The following NME7 variants were observed in gnomAD, a reference collection of about 807,000 sequenced individuals.
The protein encoded by NME7 is NME/NM23 family member 7, also known as nucleoside diphosphate kinase 7.
NME7 carries 41 observed loss-of-function variants against 49.1 expected under a neutral mutation model. That is an observed-to-expected ratio of 0.83 (90% CI 0.65 to 1.08). NME7 has a LOEUF of 1.08. NME7 is among the 50% of genes least tolerant of loss of function. The pLI, the probability that NME7 is intolerant of heterozygous loss-of-function variation, is 0.00. For synonymous variants in NME7, 139 were observed against 150.6 expected (o/e 0.92, Z 0.56); for missense variants, 423 against 463.4 (o/e 0.91, Z 0.80).
chr1:169,308,029 A>G (rs1318230662), intron 4 of NME7, among the ~76,000 whole-genome samples: 2 of 151,894 alleles, frequency 1.3e-5, no homozygotes, highest in South Asian at 2.1e-4. Flanking sequence ...CAAAAAAAAA[A>G]AAAAAAATCC....
intron 11 of NME7, among the ~76,000 whole-genome samples, chr1:169,163,876 CA>C (rs1659320434): frequency 1.3e-5 from 2 of 152,000 alleles, no homozygotes; most frequent in South Asian, 4.2e-4. Flanking sequence ...TTTGGGAAGC[CA>C]AGGCGGGCAG....
chr1:169,154,394 C>T (rs1242523587), intron 11 of NME7, among the ~76,000 whole-genome samples: 1 of 151,994 alleles, frequency 6.6e-6, no homozygotes, highest in Non-Finnish European at 1.5e-5. Context: ...AATAAAATAA[C>T]ATGTGGTAGT....
At chr1:169,336,300 G>A (rs1652470788) in intron 1 of NME7, among the ~76,000 whole-genome samples, 1 of 151,656 alleles carries the variant, frequency 6.6e-6, no homozygotes, top group Admixed American at 6.7e-5. Context: ...TTATTGCAAA[G>A]AGCGAAAGAA....
At chr1:169,350,540 C>T (rs1409764750) in intron 1 of NME7, among the ~76,000 whole-genome samples, 1 of 151,876 alleles carries the variant, frequency 6.6e-6, no homozygotes, top group African/African-American at 2.4e-5. Context: ...ATGTTTCTCT[C>T]TTTTGTCTCC....
intron 4 of NME7, chr1:169,303,455 C>CTTTTTTTTTTT (rs969800387): frequency 1.7e-4 from 19 of 113,050 alleles, no homozygotes; most frequent in Non-Finnish European, 2.7e-4. Context: ...CTATCTTCTT[C>CTTTTTTTTTTT]TTTTTTTTTT....
intron 7 of NME7, among the ~76,000 whole-genome samples, chr1:169,238,350 A>C (rs1381883305): frequency 6.6e-6 from 1 of 151,998 alleles, no homozygotes; most frequent in Non-Finnish European, 1.5e-5. Context: ...AGTGGTTTCT[A>C]TATTGGAGTC....
At chr1:169,209,646 T>C (rs1262879876) in intron 10 of NME7, among the ~76,000 whole-genome samples, 1 of 152,136 alleles carries the variant, frequency 6.6e-6, no homozygotes, top group African/African-American at 2.4e-5. Context: ...TTTTTAAAAA[T>C]ACAACCTAGA....
In NME7 at chr1:169,261,157, T is replaced by TA. The variant is rs532001973; in HGVS notation, c.755-23471dup. ...CACTGAAATTAAATATTATTCAAAATAAAAAACTGAAAAGGTATAAAGAAA... is the reference window on the plus strand; with the variant it reads ...CACTGAAATTAAATATTATTCAAAATAAAAAAACTGAAAAGGTATAAAGAAA... On this transcript the variant is annotated intron_variant, in intron 7 of 11. Transcript: ENST00000367811. Among the ~76,000 whole-genome samples, 707 of 134,328 alleles carry TA rather than the reference T, an allele frequency of 5.3e-3. 70 individuals carry two copies. Among genetic ancestry groups the TA allele is most frequent in the African/African-American group, 0.017 (664 of 39,790 alleles). 88.1% of individuals were successfully genotyped at this position (134,328 alleles called of 152,430 possible). A position where few individuals can be genotyped will look rare whatever the true frequency, so the allele number is the denominator to read the frequency against.
chr1:169,237,558 A>T, intron 8 of NME7, 65 bp downstream of exon 8: 1 of 1,197,048 alleles, frequency 8.4e-7, no homozygotes, highest in Non-Finnish European at 1.2e-6. Context: ...TTCAATGTAA[A>T]GCATTTTATA....
intron 7 of NME7, among the ~76,000 whole-genome samples, chr1:169,277,037 A>T (rs1282328905): frequency 6.7e-6 from 1 of 150,282 alleles, no homozygotes; most frequent in East Asian, 2.0e-4. Flanking sequence ...GTTTGATTGC[A>T]CTGTGGTCTG....
intron 9 of NME7, among the ~76,000 whole-genome samples, chr1:169,233,112 C>T (rs1220361893): frequency 1.1e-5 from 1 of 94,748 alleles, no homozygotes; most frequent in African/African-American, 3.6e-5. Flanking sequence ...TGCTTTCAAA[C>T]ATAATTGTTC....
intron 7 of NME7, among the ~76,000 whole-genome samples, chr1:169,251,205 G>C (rs977430231): frequency 6.6e-6 from 1 of 151,988 alleles, no homozygotes; most frequent in Non-Finnish European, 1.5e-5. Flanking sequence ...TTGTTGGATT[G>C]ATCCTTTTAT....
intron 1 of NME7, among the ~76,000 whole-genome samples, chr1:169,357,003 A>C (rs1653488911): frequency 1.3e-5 from 2 of 152,172 alleles, no homozygotes; most frequent in African/African-American, 4.8e-5. Flanking sequence ...GTAGGTCTCT[A>C]TCTTAACACT....
At chr1:169,250,644 T>G (rs1270433464) in intron 7 of NME7, among the ~76,000 whole-genome samples, 1 of 152,158 alleles carries the variant, frequency 6.6e-6, no homozygotes, top group Non-Finnish European at 1.5e-5. Context: ...CTGCTTTTAC[T>G]ATATTCCAGA....
chr1:169,237,528 T>C (rs1334422927), intron 8 of NME7, 95 bp downstream of exon 8: 25 of 833,030 alleles, frequency 3.0e-5, no homozygotes, highest in Non-Finnish European at 4.5e-5. Context: ...TTAATGTGGT[T>C]CATGAGTACA....
At chr1:169,146,401 A>G (rs1406920374) in intron 11 of NME7, among the ~76,000 whole-genome samples, 11 of 152,212 alleles carry the variant, frequency 7.2e-5, no homozygotes, top group Non-Finnish European at 1.6e-4. Flanking sequence ...ATTTATCAAT[A>G]ATTACAGATA....
In NME7 at chr1:169,258,930, G is replaced by T. The variant is rs980340274; in HGVS notation, c.755-21243C>A. Among the ~76,000 whole-genome samples, 23 of 132,970 alleles carry T rather than the reference G, an allele frequency of 1.7e-4. 1 individual carries two copies. Among genetic ancestry groups the T allele is most frequent in the African/African-American group, 5.1e-4 (20 of 39,396 alleles). 87.2% of individuals were successfully genotyped at this position (132,970 alleles called of 152,430 possible). ...TCAGATACTTTGGAGTCAGGGCCCA[G>T]GAATCTATATTTAATCCAAGTGATC... On this transcript the variant is annotated intron_variant, in intron 7 of 11. Coordinates refer to ENST00000367811, the MANE Select transcript of NME7 (RefSeq NM_013330.5).
chr1:169,143,126 C>A (rs1349239624), intron 11 of NME7, among the ~76,000 whole-genome samples: 2 of 152,128 alleles, frequency 1.3e-5, no homozygotes, highest in African/African-American at 4.8e-5. Context: ...CTGGAGAGAC[C>A]TCTTAAAAAC....
chr1:169,323,205 T>C lies in NME7; in HGVS notation c.190A>G (p.Asn64Asp), dbSNP rs747136416. The C allele has an allele frequency of 1.1e-5, 18 of 1,608,192 alleles. 1 individual carries two copies. In the South Asian group the frequency reaches 1.9e-4, roughly 17 times the overall value. ...NLHLEDLFIG[N>D]KVNVFSRQLV... Reference sequence around the variant, plus strand: ...TGTCGAGAAAAGACATTCACTTTGTTGCCTATAAATAAATCTTCCAAGTGC... The same window carrying C: ...TGTCGAGAAAAGACATTCACTTTGTCGCCTATAAATAAATCTTCCAAGTGC... Residue 64 changes from asparagine (N) to aspartate (D), a missense_variant, in exon 3 of 12, where the codon AAC becomes GAC. Physicochemically the swap from Asn to Asp is conservative, Grantham distance 23 (BLOSUM62 1). Coordinates refer to ENST00000367811, the MANE Select transcript of NME7 (RefSeq NM_013330.5).
Sources: allele counts gnomAD v4.1 joint callset (sites outside exome capture counted in the v4.1 genomes callset), GRCh38; gene constraint gnomAD v4.1.1; transcripts MANE v1.5; gene names NCBI Gene and HGNC (gene_info 2026-07-23, HGNC 2026-07-21).